The following KALRN variants were observed in gnomAD, a reference collection of about 807,000 sequenced individuals.
The protein encoded by KALRN is kalirin RhoGEF kinase, also known as kalirin.
Under a neutral mutation model 353.7 loss-of-function variants are expected in KALRN, and 70 were observed. The observed-to-expected ratio is 0.20, with a 90% CI of 0.16 to 0.24. The LOEUF (loss-of-function observed/expected upper bound fraction) is 0.24. Among genes scored for constraint, KALRN ranks in the 10% least tolerant of loss-of-function variants. The pLI, the probability that KALRN is intolerant of heterozygous loss-of-function variation, is 1.00. For missense variants in KALRN, 2,791 were observed against 3,756.7 expected, an observed-to-expected ratio of 0.74 and a Z score of 6.72; for synonymous variants, 1,391 against 1,434.8, an observed-to-expected ratio of 0.97 and a Z score of 0.69.
chr3:124,449,626 A>G (rs2058583741), intron 21 of KALRN, among the ~76,000 whole-genome samples: 1 of 152,192 alleles, frequency 6.6e-6, no homozygotes, highest in Admixed American at 6.5e-5. Flanking sequence ...TTGTGCAAAC[A>G]TTGCCACTGT....
chr3:124,725,510 T>G lies in KALRN; in HGVS notation c.*6040T>G, dbSNP rs2063408300. 1 of 152,220 alleles carries G rather than the reference T, an allele frequency of 6.6e-6. No individual in the cohort carries two copies. Among genetic ancestry groups the G allele is most frequent in the African/African-American group, 2.4e-5 (1 of 41,460 alleles). 9.4% of individuals were successfully genotyped at this position (152,220 alleles called of 1,614,324 possible). On this transcript the variant is annotated 3_prime_UTR_variant, in exon 60 of 60. Coordinates refer to ENST00000682506, the MANE Select transcript of KALRN (RefSeq NM_001388419.1). The stretch of plus-strand genomic sequence containing the variant: ...ATATAGTGTATAATATGTATGTATA[T>G]GTTATTGCTCATATGCAGAAATCTA...
chr3:124,416,413 A>T (rs1576743037), intron 14 of KALRN, among the ~76,000 whole-genome samples: 1 of 152,160 alleles, frequency 6.6e-6, no homozygotes, highest in African/African-American at 2.4e-5. Context: ...TGGGCTGCCC[A>T]CCCCCACAAT....
chr3:124,585,006 G>T (rs986916547), intron 34 of KALRN: 12 of 1,389,926 alleles, frequency 8.6e-6, no homozygotes, highest in East Asian at 2.6e-5. Flanking sequence ...GGAGGCCTCT[G>T]GGGTAGGCGG....
At chr3:124,130,978 A>C (rs1458612096) in intron 1 of KALRN, among the ~76,000 whole-genome samples, 1 of 152,130 alleles carries the variant, frequency 6.6e-6, no homozygotes, top group East Asian at 1.9e-4. Flanking sequence ...GGCATGAGGG[A>C]GCCTTCTGGG....
intron 10 of KALRN, among the ~76,000 whole-genome samples, chr3:124,380,552 T>C (rs2087211319): frequency 6.6e-6 from 1 of 152,184 alleles, no homozygotes; most frequent in South Asian, 2.1e-4. Context: ...ATTTTTGGCA[T>C]ATCTGTTGGG....
chr3:124,628,264 C>A (rs1312507919), intron 34 of KALRN, among the ~76,000 whole-genome samples: 1 of 15,932 alleles, frequency 6.3e-5, no homozygotes, highest in Non-Finnish European at 1.0e-4. Context: ...TTCCTTCCCT[C>A]CTTCCCTCCT....
At chr3:124,670,010 C>T (rs2086203372) in intron 47 of KALRN, among the ~76,000 whole-genome samples, 1 of 150,364 alleles carries the variant, frequency 6.7e-6, no homozygotes, top group Non-Finnish European at 1.5e-5. Context: ...CGCTCTGTCG[C>T]CCAGGCTGGA....
intron 34 of KALRN, among the ~76,000 whole-genome samples, chr3:124,604,855 T>TA (rs10708914): frequency 3.4e-4 from 49 of 146,060 alleles, no homozygotes; most frequent in South Asian, 1.5e-3. Flanking sequence ...CCTGGCTAAT[T>TA]AAAAAAAAAA....
At chr3:124,116,301 G>T (rs937423518) in intron 1 of KALRN, among the ~76,000 whole-genome samples, 1 of 152,176 alleles carries the variant, frequency 6.6e-6, no homozygotes, top group Non-Finnish European at 1.5e-5. Context: ...AGAACTTGGA[G>T]AATGTGGCCT....
At chr3:124,412,122 C>T (rs1243858442) in intron 13 of KALRN, among the ~76,000 whole-genome samples, 2 of 152,172 alleles carry the variant, frequency 1.3e-5, no homozygotes, top group Non-Finnish European at 2.9e-5. Flanking sequence ...GACAGCAGCC[C>T]CTTGTGAGGG....
chr3:124,329,769 T>C, intron 7 of KALRN, 92 bp from the exon 8 acceptor site: 1 of 1,439,664 alleles, frequency 6.9e-7, no homozygotes, highest in South Asian at 1.3e-5. Flanking sequence ...GTCCTGATGT[T>C]TCTTCCCAAG....
intron 34 of KALRN, among the ~76,000 whole-genome samples, chr3:124,579,682 G>A (rs2074440540): frequency 1.3e-5 from 2 of 152,088 alleles, no homozygotes. Context: ...CCCTGTATTG[G>A]CTTCATTCTC....
intron 33 of KALRN, among the ~76,000 whole-genome samples, chr3:124,537,386 G>T (rs917927656): frequency 9.2e-5 from 14 of 152,164 alleles, no homozygotes; most frequent in African/African-American, 3.4e-4. Context: ...CCAGTGAAAG[G>T]TACAGGAATG....
intron 30 of KALRN, among the ~76,000 whole-genome samples, chr3:124,491,104 C>G (rs534791568): frequency 1.3e-5 from 2 of 152,188 alleles, no homozygotes; most frequent in Non-Finnish European, 2.9e-5. Flanking sequence ...TAGCACCTCC[C>G]TCTTCACCTT....
At chr3:124,386,867 G>A (rs2088423547) in intron 11 of KALRN, among the ~76,000 whole-genome samples, 2 of 152,268 alleles carry the variant, frequency 1.3e-5, no homozygotes, top group South Asian at 4.1e-4. Flanking sequence ...ACCATCTCAT[G>A]TAACCTTCAT....
intron 10 of KALRN, among the ~76,000 whole-genome samples, chr3:124,370,630 A>G (rs2085709773): frequency 6.6e-6 from 1 of 152,194 alleles, no homozygotes; most frequent in Admixed American, 6.5e-5. Flanking sequence ...TCAGGATCAT[A>G]CTGGTAAAGC....
intron 13 of KALRN, among the ~76,000 whole-genome samples, chr3:124,407,336 GC>G (rs2091676863): frequency 6.6e-6 from 1 of 151,408 alleles, no homozygotes; most frequent in Non-Finnish European, 1.5e-5. Context: ...ATATATATTT[GC>G]TTCCAGGTTT....
chr3:124,456,001 T>C (rs1211736672), intron 22 of KALRN, among the ~76,000 whole-genome samples: 1 of 152,186 alleles, frequency 6.6e-6, no homozygotes, highest in Non-Finnish European at 1.5e-5. Context: ...CCAAACTACC[T>C]AAAGTTGAGA....
intron 38 of KALRN, among the ~76,000 whole-genome samples, chr3:124,651,451 T>C (rs2083407253): frequency 6.6e-6 from 1 of 152,212 alleles, no homozygotes; most frequent in South Asian, 2.1e-4. Flanking sequence ...CAAGAGAACT[T>C]CTTCTCCACT....
Sources: gnomAD v4.1 joint callset for allele counts (sites outside exome capture counted in the v4.1 genomes callset) on GRCh38, gnomAD v4.1.1 for gene constraint, MANE v1.5 for transcripts, NCBI Gene and HGNC (gene_info 2026-07-23, HGNC 2026-07-21) for gene names.